Variants in C1QTNF3 observed in about 807,000 individuals in gnomAD.
C1QTNF3 encodes the protein C1q and TNF related 3, also known as complement C1q tumor necrosis factor-related protein 3.
C1QTNF3 carries 26 observed loss-of-function variants against 32.6 expected under a neutral mutation model. That is an observed-to-expected ratio of 0.80 (90% confidence interval 0.58 to 1.11). C1QTNF3 has a LOEUF of 1.11. C1QTNF3 is among the 50% of genes least tolerant of loss of function. The probability of loss-of-function intolerance (pLI) is 0.00; values close to 1 mark genes in which losing one functional copy is unlikely to be tolerated. For synonymous variants in C1QTNF3, 155 were observed against 146.0 expected, an observed-to-expected ratio of 1.06 and a Z score of -0.44; for missense variants, 362 against 398.2, an observed-to-expected ratio of 0.91 and a Z score of 0.77.
the C1QTNF3 span, among the ~76,000 whole-genome samples, chr5:34,161,570 CTATT>C: frequency 1.3e-5 from 2 of 152,196 alleles, no homozygotes; most frequent in African/African-American, 2.4e-5. Flanking sequence ...TAAACATAGT[CTATT>C]TATTTATGAA....
the C1QTNF3 span, among the ~76,000 whole-genome samples, chr5:34,119,449 A>G: frequency 6.6e-6 from 1 of 152,186 alleles, no homozygotes; most frequent in African/African-American, 2.4e-5. Context: ...CCGTCTCTCT[A>G]TTATACTCTG....
the C1QTNF3 span, among the ~76,000 whole-genome samples, chr5:34,111,866 T>G: frequency 6.6e-6 from 1 of 152,340 alleles, no homozygotes. Context: ...TAAGGGGTAT[T>G]GCTGTCCTGC....
At chr5:34,162,330 CTCATAA>C in the C1QTNF3 span, among the ~76,000 whole-genome samples, 1 of 152,130 alleles carries the variant, frequency 6.6e-6, no homozygotes, top group African/African-American at 2.4e-5. Context: ...CAAAACCATT[CTCATAA>C]TAACTAACCC....
At chr5:34,087,410 TTA>T in the C1QTNF3 span, among the ~76,000 whole-genome samples, 1 of 152,136 alleles carries the variant, frequency 6.6e-6, no homozygotes, top group Non-Finnish European at 1.5e-5. Context: ...GCCGAATATT[TTA>T]TGTCAAAAAG....
chr5:34,144,543 T>A, the C1QTNF3 span, among the ~76,000 whole-genome samples: 51 of 152,256 alleles, frequency 3.3e-4, no homozygotes, highest in Non-Finnish European at 6.8e-4. Flanking sequence ...AAAGTAAGTC[T>A]CAATAAATTC....
the C1QTNF3 span, among the ~76,000 whole-genome samples, chr5:34,063,526 C>A: frequency 2.1e-5 from 3 of 144,864 alleles, no homozygotes; most frequent in Non-Finnish European, 4.5e-5. Flanking sequence ...GGTGGGGGGG[C>A]TGGGGGGAAG....
the C1QTNF3 span, among the ~76,000 whole-genome samples, chr5:34,119,795 C>A: frequency 1.3e-5 from 2 of 152,192 alleles, no homozygotes; most frequent in Admixed American, 6.5e-5. Flanking sequence ...ACTCCCCTAA[C>A]TCCCTCTTCC....
upstream of C1QTNF3, among the ~76,000 whole-genome samples, chr5:34,047,484 G>A (rs978075679): frequency 6.6e-6 from 1 of 152,226 alleles, no homozygotes; most frequent in Non-Finnish European, 1.5e-5. Context: ...CCAAGGGACA[G>A]TCAAGAACTG....
At chr5:34,048,699 A>G in the C1QTNF3 span, among the ~76,000 whole-genome samples, 3 of 152,292 alleles carry the variant, frequency 2.0e-5, no homozygotes, top group African/African-American at 7.2e-5. Flanking sequence ...CCAAAAAAAA[A>G]AAAAAGAGCA....
At chr5:34,216,446 A>T in the C1QTNF3 span, among the ~76,000 whole-genome samples, 7 of 152,124 alleles carry the variant, frequency 4.6e-5, no homozygotes, top group African/African-American at 1.4e-4. Context: ...ATTTCTTATA[A>T]GCATTTAGAA....
the C1QTNF3 span, among the ~76,000 whole-genome samples, chr5:34,058,642 T>C: frequency 6.6e-6 from 1 of 152,086 alleles, no homozygotes; most frequent in African/African-American, 2.4e-5. Context: ...GAGGCAGAAA[T>C]GTTACCTGGC....
the C1QTNF3 span, chr5:34,167,140 G>A: frequency 2.6e-5 from 4 of 151,678 alleles, no homozygotes; most frequent in African/African-American, 4.8e-5. Context: ...TAATTTTCAC[G>A]TTGTAAGCAT....
the C1QTNF3 span, among the ~76,000 whole-genome samples, chr5:34,209,192 G>A: frequency 2.2e-4 from 33 of 152,198 alleles, no homozygotes; most frequent in Admixed American, 1.8e-3. Flanking sequence ...GCATTTTTCC[G>A]AAAATGAGAA....
chr5:34,123,547 C>G, the C1QTNF3 span, among the ~76,000 whole-genome samples: 14 of 151,826 alleles, frequency 9.2e-5, no homozygotes, highest in East Asian at 2.3e-3. Context: ...CTACTCTACA[C>G]CCTGATCTAT....
chr5:34,167,771 T>A, the C1QTNF3 span: 1 of 152,174 alleles, frequency 6.6e-6, no homozygotes, highest in Non-Finnish European at 1.5e-5. Context: ...CACTAAAATA[T>A]AATGAAGTGG....
the C1QTNF3 span, among the ~76,000 whole-genome samples, chr5:34,241,955 A>G: frequency 0.14 from 3,925 of 27,736 alleles, 85 homozygotes; most frequent in Middle Eastern, 0.23. Flanking sequence ...GAGGGAGGGA[A>G]GGAAGGAAGG....
the C1QTNF3 span, among the ~76,000 whole-genome samples, chr5:34,210,356 G>A: frequency 6.6e-6 from 1 of 151,982 alleles, no homozygotes; most frequent in Non-Finnish European, 1.5e-5. Flanking sequence ...CTCTTTAGAA[G>A]GAGTACGGTT....
chr5:34,194,930 C>G, the C1QTNF3 span, among the ~76,000 whole-genome samples: 40 of 147,324 alleles, frequency 2.7e-4, no homozygotes, highest in East Asian at 7.3e-3. Flanking sequence ...GGAATAAGGA[C>G]AAGAAAAAAG....
At chr5:34,219,391 A>G in the C1QTNF3 span, among the ~76,000 whole-genome samples, 1 of 151,804 alleles carries the variant, frequency 6.6e-6, no homozygotes, top group Non-Finnish European at 1.5e-5. Flanking sequence ...CTGTTGCAAA[A>G]TTTTACTTAG....
Sources: gnomAD v4.1 joint callset for allele counts (sites outside exome capture counted in the v4.1 genomes callset) on GRCh38, gnomAD v4.1.1 for gene constraint, MANE v1.5 for transcripts, NCBI Gene and HGNC (gene_info 2026-07-23, HGNC 2026-07-21) for gene names.